The following MYBPC2 variants were observed in gnomAD, a reference collection of about 807,000 sequenced individuals.
The protein encoded by MYBPC2 is myosin-binding protein C, fast-type.
In MYBPC2, 122 loss-of-function variants were observed where a neutral mutation model predicts 137.0. The ratio of observed to expected loss-of-function variants is 0.89; its 90% CI spans 0.77 to 1.03. MYBPC2 has a LOEUF of 1.03. Among genes scored for constraint, MYBPC2 ranks in the 50% least tolerant of loss-of-function variants. The pLI is 0.00. For synonymous variants in MYBPC2, 626 were observed against 612.3 expected, an observed-to-expected ratio of 1.02 and a Z score of -0.33; for missense variants, 1,500 against 1,534.4, an observed-to-expected ratio of 0.98 and a Z score of 0.37.
chr19:50,453,102 A>G (rs2122603602), intron 16 of MYBPC2, among the ~76,000 whole-genome samples: 1 of 151,816 alleles, frequency 6.6e-6, no homozygotes, highest in African/African-American at 2.4e-5. Flanking sequence ...AAGAGCCTTC[A>G]TTTTACTTAA....
Position 50,465,856 on chromosome 19 carries a change from C to T in MYBPC2, c.3416-339C>T, listed in dbSNP as rs926727745. On this transcript the variant is annotated intron_variant, in intron 27 of 27. Transcript: ENST00000357701. This position sits in a 1 kb window ranked among gnomAD's most constrained non-coding sequence, Gnocchi z 4.5. ...GTGAGACTCTGTCTCAAAAACCAAA[C>T]AAAAACACCCCAGATCACTGCCCTT... is the stretch of plus-strand genomic sequence containing the variant. Among the ~76,000 whole-genome samples the T allele has an allele frequency of 6.6e-6, 1 of 152,106 alleles. No individual in the cohort carries two copies. Among genetic ancestry groups the T allele is most frequent in the Non-Finnish European group, 1.5e-5 (1 of 68,006 alleles).
At position 50,448,405 on chromosome 19, in the gene MYBPC2, G is replaced by A. The variant is rs775050512; in HGVS notation, c.1472+15G>A. On this transcript the variant is annotated intron_variant, in intron 13 of 27. Coordinates refer to ENST00000357701, the MANE Select transcript of MYBPC2 (RefSeq NM_004533.4). ...CATGTAGGCAGGTGAGGAGTGGGCT[G>A]CAGAAGTGGCTGGGGGTAGGGTGTG... is the stretch of plus-strand genomic sequence containing the variant. 3.1e-6 allele frequency: 5 copies of A among 1,612,078 alleles called. No individual in the cohort carries two copies. Among genetic ancestry groups the A allele is most frequent in the Admixed American group, 1.7e-5 (1 of 59,924 alleles).
At chr19:50,463,440 AATCC>A (rs1391150568) in intron 26 of MYBPC2, among the ~76,000 whole-genome samples, 2 of 152,088 alleles carry the variant, frequency 1.3e-5, no homozygotes, top group African/African-American at 4.8e-5. Flanking sequence ...TCCACCTACC[AATCC>A]ATCCATTTAC....
intron 5 of MYBPC2, 64 bp from the exon 6 acceptor site, chr19:50,437,409 C>T (rs1474037056): frequency 6.6e-7 from 1 of 1,516,734 alleles, no homozygotes; most frequent in Non-Finnish European, 9.0e-7. Context: ...TGGAGAGGGG[C>T]TCTCAGTCTA....
At chr19:50,451,359 G>A in intron 15 of MYBPC2, 50 bp downstream of exon 15, 1 of 1,600,602 alleles carries the variant, frequency 6.2e-7, no homozygotes, top group South Asian at 1.1e-5. Context: ...GGAGGGACCG[G>A]GCTGAGGGAG....
At chr19:50,437,184 A>T (rs2039711684) in intron 5 of MYBPC2, among the ~76,000 whole-genome samples, 1 of 151,954 alleles carries the variant, frequency 6.6e-6, no homozygotes, top group Non-Finnish European at 1.5e-5. Flanking sequence ...TGAGGGCTTA[A>T]ATGTGGGGTG....
At position 50,451,325 on chromosome 19, in the gene MYBPC2, T is replaced by C. The variant is rs1416187095; in HGVS notation, c.1609+16T>C. 6.2e-7 allele frequency: 1 copy of C among 1,612,548 alleles called. No homozygotes were observed. The highest frequency in any genetic ancestry group is 1.3e-5 in the African/African-American group (1 of 74,498). On this transcript the variant is annotated intron_variant, in intron 15 of 27. Transcript: ENST00000357701. ...CCCAAGCAAGGTGAGCACCACGGGC[T>C]GCGCTGGGAGCGGGTCTGAGGGAGG...
Position 50,460,063 on chromosome 19 carries a change from G to A in MYBPC2, c.2815G>A (p.Val939Met), listed in dbSNP as rs533493605. ...AGAAAAGGCTGGGCCCCCCATAAAC[G>A]TGATGGTGAAGGAGGTGTGGGGCAC... Reference protein sequence around the residue: ...VVEKAGPPINVMVKEVWGTNA... With the variant: ...VVEKAGPPINMMVKEVWGTNA... The change falls in exon 24 of 28, where the codon GTG (valine) becomes ATG (methionine). Residue 939 changes from valine (V) to methionine (M), a missense_variant. Coordinates refer to ENST00000357701, the MANE Select transcript of MYBPC2 (RefSeq NM_004533.4). 1.3e-6 allele frequency: 2 copies of A among 1,557,204 alleles called. No individual in the cohort carries two copies. Among genetic ancestry groups the A allele is most frequent in the African/African-American group, 2.7e-5 (2 of 73,364 alleles).
In MYBPC2 at chr19:50,443,547, C is replaced by T. The variant is rs761512115; in HGVS notation, c.956C>T (p.Thr319Met). The T allele has an allele frequency of 3.1e-6, 5 of 1,612,818 alleles. No individual in the cohort carries two copies. Among genetic ancestry groups the T allele is most frequent in the South Asian group, 1.1e-5 (1 of 90,800 alleles). ...CGAATTCTTACCATCAACAAGTGCA[C>T]GCTGGCGGATGACGCTGCCTATGAA... Reference protein sequence around the residue: ...KKRILTINKCTLADDAAYEVA... With the variant: ...KKRILTINKCMLADDAAYEVA... The change falls in exon 10 of 28, where the codon ACG (threonine) becomes ATG (methionine). Residue 319 changes from threonine to methionine, a missense_variant. Physicochemically the swap from Thr to Met is moderately conservative, Grantham distance 81. Coordinates refer to ENST00000357701, the MANE Select transcript of MYBPC2 (RefSeq NM_004533.4).
In MYBPC2 at chr19:50,435,374, A is replaced by C; in HGVS notation, c.109+124A>C. On this transcript the variant is annotated intron_variant, in intron 2 of 27. Coordinates refer to ENST00000357701, the MANE Select transcript of MYBPC2 (RefSeq NM_004533.4). This position sits in a 1 kb window ranked among gnomAD's most constrained non-coding sequence, Gnocchi z 4.8. ...CTGTCCCCGCACAGCCCCAGGGCTG[A>C]CCCACGCCTCCCGTGCTCCCAGCCC... 1 of 656,378 alleles carries C rather than the reference A, an allele frequency of 1.5e-6. No homozygotes were observed. The highest frequency in any genetic ancestry group is 1.7e-5 in the South Asian group (1 of 60,376). The allele number at this position is 656,378 out of a possible 1,614,324, so 40.7% of individuals were successfully genotyped here. A position where few individuals can be genotyped will look rare whatever the true frequency, so the allele number is the denominator to read the frequency against.
At chr19:50,444,866 C>T (rs1170923712) in intron 11 of MYBPC2, among the ~76,000 whole-genome samples, 4 of 118,082 alleles carry the variant, frequency 3.4e-5, no homozygotes, top group South Asian at 2.8e-4. Flanking sequence ...GGAGACACAG[C>T]GAGACTCCGT....
At position 50,459,160 on chromosome 19, in the gene MYBPC2, A is replaced by G; in HGVS notation, c.2645A>G (p.Asp882Gly). 6.3e-7 allele frequency: 1 copy of G among 1,599,368 alleles called. No homozygotes were observed. The highest frequency in any genetic ancestry group is 8.5e-7 in the Non-Finnish European group (1 of 1,175,092). Residue 882 changes from aspartate to glycine, a missense_variant, in exon 23 of 28, where the codon GAC (aspartate) becomes GGC (glycine). Asp to Gly is a moderately conservative substitution (Grantham distance 94). Coordinates refer to ENST00000357701, the MANE Select transcript of MYBPC2 (RefSeq NM_004533.4). ...TGGACCAAGGGCGGGGCCCCGCTGG[A>G]CACCTCCCGCGTGCACGTGCGGACC... ...VVWTKGGAPL[D>G]TSRVHVRTSD...
chr19:50,432,923 C>A lies in MYBPC2; in HGVS notation c.-31C>A. 3 of 1,603,596 alleles carry A rather than the reference C, an allele frequency of 1.9e-6. No homozygotes were observed. The highest frequency in any genetic ancestry group is 1.7e-5 in the Admixed American group (1 of 59,252). On this transcript the variant is annotated 5_prime_UTR_variant, in exon 1 of 28. Transcript: ENST00000357701. The surrounding 1 kb of genome is among the most constrained non-coding windows in gnomAD (Gnocchi z 5.5). Reference sequence around the variant, plus strand: ...CCTAGGGCCTAGCGGGACGCGGCTGCGGTCAGAGGAGCAGGAGGAGGTCCC... The same window carrying A: ...CCTAGGGCCTAGCGGGACGCGGCTGAGGTCAGAGGAGCAGGAGGAGGTCCC...
At position 50,454,298 on chromosome 19, in the gene MYBPC2, C is replaced by A. The variant is rs369218733; in HGVS notation, c.1943C>A (p.Thr648Asn). The A allele has an allele frequency of 5.0e-6, 8 of 1,613,812 alleles. No homozygotes were observed. Among genetic ancestry groups the A allele is most frequent in the African/African-American group, 2.7e-5 (2 of 74,896 alleles). The change falls in exon 18 of 28, where the codon ACC (threonine) becomes AAC (asparagine). Residue 648 changes from threonine (T) to asparagine (N), a missense_variant. Transcript: ENST00000357701. The stretch of plus-strand genomic sequence containing the variant: ...GACCCCCCGGAGGCTGTGCGCATCA[C>A]CTCGGTTGGAGAGGATTGGGCCATC... Reference protein sequence around the residue: ...VPDPPEAVRITSVGEDWAILV... With the variant: ...VPDPPEAVRINSVGEDWAILV...
chr19:50,455,045 C>T (rs1030257367), intron 18 of MYBPC2, 63 bp from the exon 19 acceptor site: 4 of 1,481,420 alleles, frequency 2.7e-6, no homozygotes, highest in Admixed American at 2.1e-5. Context: ...CCCTCACTCC[C>T]CCAGCTGACT....
In MYBPC2 at chr19:50,448,303, T is replaced by C; in HGVS notation, c.1385T>C (p.Val462Ala). The C allele has an allele frequency of 6.2e-7, 1 of 1,613,728 alleles. No individual in the cohort carries two copies. Among genetic ancestry groups the C allele is most frequent in the Non-Finnish European group, 8.5e-7 (1 of 1,179,818 alleles). The part of the protein sequence containing the change: ...ASEQAVFKCE[V>A]SDEKVTGKWY... Reference sequence around the variant, plus strand: ...GAACAAGCTGTGTTCAAGTGCGAGGTGTCTGATGAGAAAGTGACGGGCAAG... The same window carrying C: ...GAACAAGCTGTGTTCAAGTGCGAGGCGTCTGATGAGAAAGTGACGGGCAAG... The change falls in exon 13 of 28, where the codon GTG becomes GCG. Residue 462 changes from valine to alanine, a missense_variant. By Grantham distance (64) the Val-to-Ala change is moderately conservative. Transcript: ENST00000357701.
Position 50,463,832 on chromosome 19 carries a change from G to A in MYBPC2, c.3229-514G>A, listed in dbSNP as rs115425153. ...CAGGCGCCTCTAATCCCAACCACTTGGGAAGCTGAGGCAGGATAATTGCTT... is the reference window on the plus strand; with the variant it reads ...CAGGCGCCTCTAATCCCAACCACTTAGGAAGCTGAGGCAGGATAATTGCTT... On this transcript the variant is annotated intron_variant, in intron 26 of 27. Coordinates refer to ENST00000357701, the MANE Select transcript of MYBPC2 (RefSeq NM_004533.4). Among the ~76,000 whole-genome samples, 405 of 152,016 alleles carry A rather than the reference G, an allele frequency of 2.7e-3. 1 individual carries two copies. The highest frequency in any genetic ancestry group is 9.5e-3 in the African/African-American group (392 of 41,436).
At chr19:50,433,430 A>T in intron 1 of MYBPC2, among the ~76,000 whole-genome samples, 2 of 143,400 alleles carry the variant, frequency 1.4e-5, no homozygotes, top group Non-Finnish European at 1.5e-5. Flanking sequence ...TTTGAGATGG[A>T]GTCTCGCTCT....
Position 50,459,099 on chromosome 19 carries a change from C to CCCA in MYBPC2, c.2596-12_2596-11insCCA. 6.4e-7 allele frequency: 1 copy of CCCA among 1,551,412 alleles called. No homozygotes were observed. Among genetic ancestry groups the CCCA allele is most frequent in the Non-Finnish European group, 8.7e-7 (1 of 1,147,292 alleles). On this transcript the variant is annotated splice_polypyrimidine_tract_variant and intron_variant, in intron 22 of 27. Coordinates refer to ENST00000357701, the MANE Select transcript of MYBPC2 (RefSeq NM_004533.4). Reference sequence around the variant, plus strand: ...CCCGCTGACCCCACCCCGCCCCGCCCTCTCCCCGCAGGGAAAGCCCCGGCC... The same window carrying CCCA: ...CCCGCTGACCCCACCCCGCCCCGCCCCCATCTCCCCGCAGGGAAAGCCCCGGCC...
Sources: allele counts gnomAD v4.1 joint callset (sites outside exome capture counted in the v4.1 genomes callset), GRCh38; gene constraint gnomAD v4.1.1; non-coding constraint Gnocchi (gnomAD v3.1); transcripts MANE v1.5; gene names NCBI Gene and HGNC (gene_info 2026-07-23, HGNC 2026-07-21).